ATAD3B: variants seen among roughly 807,000 people sequenced by gnomAD.
The protein encoded by ATAD3B is ATPase family AAA domain-containing protein 3B.
A neutral mutation model predicts 70.2 loss-of-function variants in ATAD3B; 59 were observed. The observed-to-expected ratio is 0.84, with a 90% CI of 0.68 to 1.04. The LOEUF (loss-of-function observed/expected upper bound fraction) is 1.04, where lower values mean the gene tolerates loss of function less well. Ranked by LOEUF, ATAD3B falls within the 50% of genes least tolerant of loss-of-function variation. ATAD3B has a pLI of 0.00. For synonymous variants in ATAD3B, 423 were observed against 388.6 expected (o/e 1.09, Z -1.04); for missense variants, 961 against 913.4 (o/e 1.05, Z -0.67).
At chr1:1,494,549 G>A (rs1466332197) in intron 15 of ATAD3B, among the ~76,000 whole-genome samples, 4 of 151,834 alleles carry the variant, frequency 2.6e-5, no homozygotes, top group South Asian at 2.1e-4. Flanking sequence ...GTCCGGCTCC[G>A]GTCGGTGTCT....
In ATAD3B at chr1:1,486,031, C is replaced by T. The variant is rs138326679; in HGVS notation, c.964-79C>T. 4.2e-3 allele frequency: 6,694 copies of T among 1,605,790 alleles called. 305 individuals are homozygous for T. The African/African-American group carries it at 0.078, about 19-fold the overall frequency. ...CTTCCTGAGGAGCAGAGTCCGCACC[C>T]GGGCATTCCCGCAGCCCCTGTCACC... On this transcript the variant is annotated intron_variant, in intron 9 of 15. Transcript: ENST00000673477.
chr1:1,478,413 C>T lies in ATAD3B; in HGVS notation c.283-231C>T, dbSNP rs1153100. 1.3e-5 allele frequency: 20 copies of T among 1,501,064 alleles called. No homozygotes were observed. The African/African-American group carries it at 2.8e-4, about 21-fold the overall frequency. The allele number at this position is 1,501,064 out of a possible 1,614,324, so 93.0% of individuals were successfully genotyped here. A position where few individuals can be genotyped will look rare whatever the true frequency, so the allele number is the denominator to read the frequency against. On this transcript the variant is annotated intron_variant, in intron 2 of 15. Coordinates refer to ENST00000673477, the MANE Select transcript of ATAD3B (RefSeq NM_031921.6). ...GTGGGGTGGGGTTGGTGTCTGACCT[C>T]CCTCCCCGGGGGCCTTCGCAGGCTT...
In ATAD3B at chr1:1,482,201, C is replaced by T. The variant is rs775648743; in HGVS notation, c.578C>T (p.Ala193Val). 2.1e-5 allele frequency: 34 copies of T among 1,610,952 alleles called. No individual in the cohort carries two copies. In the East Asian group the frequency reaches 6.2e-4, roughly 30 times the overall value. The change falls in exon 6 of 16, where the codon GCC (alanine) becomes GTC (valine). Residue 193 changes from alanine to valine, a missense_variant. Ala to Val is a moderately conservative substitution (Grantham distance 64). This residue lies in a region of ATAD3B where 349 missense variants were observed against 307.5 expected (regional missense o/e 1.14). Transcript: ENST00000673477. The stretch of plus-strand genomic sequence containing the variant: ...GAGATGCTGCGAGTGGAGACCGAGG[C>T]CCGGGCGCGCGCCAAGGCCGAGCGG... ...KNEMLRVETE[A>V]RARAKAEREN... is the part of the protein sequence containing the mutation.
At chr1:1,478,580 G>A in intron 2 of ATAD3B, 64 bp from the exon 3 acceptor site, 2 of 1,550,306 alleles carry the variant, frequency 1.3e-6, no homozygotes, top group Non-Finnish European at 1.7e-6. Context: ...TGCAGACACA[G>A]GAGCGGCTGT....
At chr1:1,493,760 C>T (rs1255553106) in intron 15 of ATAD3B, among the ~76,000 whole-genome samples, 1 of 151,856 alleles carries the variant, frequency 6.6e-6, no homozygotes, top group East Asian at 1.9e-4. Flanking sequence ...TCCTTGCATT[C>T]CAGGAATGAA....
the ATAD3B span, among the ~76,000 whole-genome samples, chr1:1,508,026 A>C: frequency 6.6e-6 from 1 of 152,164 alleles, no homozygotes; most frequent in African/African-American, 2.4e-5. Flanking sequence ...TGCTTCCCAG[A>C]GGGGTGGCCC....
Position 1,489,244 on chromosome 1 carries a change from T to A in ATAD3B, c.1307T>A (p.Phe436Tyr), listed in dbSNP as rs140795134. Residue 436 changes from phenylalanine to tyrosine, a missense_variant, in exon 13 of 16, where the codon TTC (phenylalanine) becomes TAC (tyrosine). This residue lies in a region of ATAD3B where 417 missense variants were observed against 335.0 expected (regional missense o/e 1.24). Transcript: ENST00000673477. ...SKDLRATLNAFLYHMGQHSNK... is the reference protein window; with the variant it reads ...SKDLRATLNAYLYHMGQHSNK... ...GACCTCAGAGCCACACTGAACGCCTTCCTGTACCACATGGGCCAACACAGC... is the reference window on the plus strand; with the variant it reads ...GACCTCAGAGCCACACTGAACGCCTACCTGTACCACATGGGCCAACACAGC... The A allele has an allele frequency of 5.0e-6, 8 of 1,613,494 alleles. No individual in the cohort carries two copies. In the African/African-American group the frequency reaches 1.1e-4, roughly 22 times the overall value.
chr1:1,489,899 T>G, intron 13 of ATAD3B: 1 of 1,221,382 alleles, frequency 8.2e-7, no homozygotes, highest in Non-Finnish European at 1.0e-6. Flanking sequence ...CGCATGGCCA[T>G]AATCTTGACA....
chr1:1,490,873 G>A (rs1169942077), intron 15 of ATAD3B, among the ~76,000 whole-genome samples: 1 of 152,088 alleles, frequency 6.6e-6, no homozygotes, highest in Admixed American at 6.6e-5. Flanking sequence ...CCTCAGGAGG[G>A]TGGGGCCATG....
At chr1:1,484,737 T>G (rs565891874) in intron 7 of ATAD3B, 2 of 744,074 alleles carry the variant, frequency 2.7e-6, no homozygotes, top group East Asian at 3.2e-5. Context: ...CAGCTGGGTC[T>G]GCCCAGGGCC....
chr1:1,499,123 CA>C (rs1557439530), downstream of ATAD3B, among the ~76,000 whole-genome samples: 1 of 151,914 alleles, frequency 6.6e-6, no homozygotes, highest in Non-Finnish European at 1.5e-5. Flanking sequence ...AGGTGCCCGC[CA>C]CCACGCCCAG....
chr1:1,472,546 G>T (rs1639385284), intron 1 of ATAD3B, among the ~76,000 whole-genome samples: 1 of 151,972 alleles, frequency 6.6e-6, no homozygotes, highest in African/African-American at 2.4e-5. Context: ...TAGCAGATTT[G>T]CACTTCTTGT....
chr1:1,487,434 G>T (rs1360037750), intron 11 of ATAD3B, among the ~76,000 whole-genome samples: 1 of 150,794 alleles, frequency 6.6e-6, no homozygotes, highest in Non-Finnish European at 1.5e-5. Flanking sequence ...CCTGCAGTGA[G>T]CCGAGATTGC....
chr1:1,478,313 T>C, intron 2 of ATAD3B: 2 of 1,086,502 alleles, frequency 1.8e-6, no homozygotes, highest in South Asian at 1.7e-5. Flanking sequence ...GCAGGATTCC[T>C]AGAATGGGCA....
chr1:1,499,469 T>C (rs565375904), downstream of ATAD3B, among the ~76,000 whole-genome samples: 1 of 151,330 alleles, frequency 6.6e-6, no homozygotes, highest in African/African-American at 2.4e-5. Flanking sequence ...ACTCCTGACC[T>C]CATGATCCGC....
chr1:1,487,803 G>T (rs1369360414), intron 11 of ATAD3B, 60 bp from the exon 12 acceptor site: 1 of 1,595,876 alleles, frequency 6.3e-7, no homozygotes. Context: ...GCGGCCGGAC[G>T]CTGCTGTGGG....
At position 1,497,652 on chromosome 1, in the gene ATAD3B, G is replaced by A. The variant is rs1463498781; in HGVS notation, c.*1835G>A. 6.6e-6 allele frequency: 1 copy of A among 151,708 alleles called. No individual in the cohort carries two copies. The highest frequency in any genetic ancestry group is 1.5e-5 in the Non-Finnish European group (1 of 68,062). The allele number at this position is 151,708 out of a possible 1,614,324, so 9.4% of individuals were successfully genotyped here. A position where few individuals can be genotyped will look rare whatever the true frequency, so the allele number is the denominator to read the frequency against. On this transcript the variant is annotated 3_prime_UTR_variant, in exon 16 of 16. Coordinates refer to ENST00000673477, the MANE Select transcript of ATAD3B (RefSeq NM_031921.6). The stretch of plus-strand genomic sequence containing the variant: ...GAGGCCAAGGCGGGTGAATCATGAG[G>A]TCAGGAGTTTGAGACCATCCTGGCT...
At chr1:1,476,575 C>A (rs1275275122) in intron 1 of ATAD3B, among the ~76,000 whole-genome samples, 2 of 151,600 alleles carry the variant, frequency 1.3e-5, no homozygotes, top group Non-Finnish European at 2.9e-5. Context: ...TTGCTTCGAT[C>A]TCTGCTCACT....
chr1:1,473,612 C>G (rs1639443944), intron 1 of ATAD3B, among the ~76,000 whole-genome samples: 1 of 151,644 alleles, frequency 6.6e-6, no homozygotes, highest in Non-Finnish European at 1.5e-5. Flanking sequence ...TCTGCTGCCT[C>G]AGCCTCCCAA....
Sources: gnomAD v4.1 joint callset for allele counts (sites outside exome capture counted in the v4.1 genomes callset) on GRCh38, gnomAD v4.1.1 for gene constraint, gnomAD v4.1.1 regional missense constraint, MANE v1.5 for transcripts, NCBI Gene and HGNC (gene_info 2026-07-23, HGNC 2026-07-21) for gene names.